XKR4: variants seen among roughly 807,000 people sequenced by gnomAD.
XKR4 encodes the protein XK related 4.
Under a neutral mutation model 53.9 loss-of-function variants are expected in XKR4, and 12 were observed. The ratio of observed to expected loss-of-function variants is 0.22; its 90% CI spans 0.14 to 0.36. The LOEUF is 0.36. Ranked by LOEUF, XKR4 falls within the 10% of genes least tolerant of loss-of-function variation. XKR4 has a pLI of 1.00. For missense variants in XKR4, 799 were observed against 859.5 expected, an observed-to-expected ratio of 0.93 and a Z score of 0.88; for synonymous variants, 354 against 362.4, an observed-to-expected ratio of 0.98 and a Z score of 0.26.
rs1410803493 is a variant in XKR4, at chr8:55,466,085, C to A, written c.1007-57196C>A. Among the ~76,000 whole-genome samples the A allele has an allele frequency of 2.0e-5, 3 of 152,186 alleles. No homozygotes were observed. The East Asian group carries it at 5.8e-4, about 29-fold the overall frequency. On this transcript the variant is annotated intron_variant, in intron 2 of 2. Coordinates refer to ENST00000327381, the MANE Select transcript of XKR4 (RefSeq NM_052898.2). ...ATTGTGGAAGTCAGTGTGGCGATTC[C>A]TCAGGGATCTAGAACTAGAAATACC... is the stretch of plus-strand genomic sequence containing the variant.
Position 55,515,261 on chromosome 8 carries a change from C to T in XKR4, c.1007-8020C>T, listed in dbSNP as rs116950398. Among the ~76,000 whole-genome samples the T allele has an allele frequency of 7.9e-4, 120 of 152,276 alleles. 2 individuals carry two copies. In the East Asian group the frequency reaches 0.023, roughly 29 times the overall value. ...ATTAAAGCATTTAAATATTTTTAAT[C>T]AGAACTATTACAAGGTTTAAAACAG... On this transcript the variant is annotated intron_variant, in intron 2 of 2. Transcript: ENST00000327381.
At chr8:55,300,737 C>A (rs1819181087) in intron 1 of XKR4, among the ~76,000 whole-genome samples, 1 of 152,046 alleles carries the variant, frequency 6.6e-6, no homozygotes, top group African/African-American at 2.4e-5. Flanking sequence ...TAAGGTGCTT[C>A]CATCGTGGGG....
chr8:55,323,992 T>C lies in XKR4; in HGVS notation c.807-33686T>C, dbSNP rs553196716. Among the ~76,000 whole-genome samples, 16 of 152,362 alleles carry C rather than the reference T, an allele frequency of 1.1e-4. No individual in the cohort carries two copies. The South Asian group carries it at 3.3e-3, about 32-fold the overall frequency. ...TCCTCTGCTAGGAATGTCAACCTTT[T>C]CATTTACTTAAATGTGTTTGCCTTT... is the stretch of plus-strand genomic sequence containing the variant. On this transcript the variant is annotated intron_variant, in intron 1 of 2. Transcript: ENST00000327381.
intron 1 of XKR4, among the ~76,000 whole-genome samples, chr8:55,202,954 G>A (rs913840239): frequency 1.3e-5 from 2 of 152,202 alleles, no homozygotes; most frequent in Admixed American, 1.3e-4. Context: ...GCCACAGCTG[G>A]AGGGTTGGTT....
intron 1 of XKR4, among the ~76,000 whole-genome samples, chr8:55,138,390 C>G (rs188134342): frequency 6.6e-6 from 1 of 152,234 alleles, no homozygotes; most frequent in East Asian, 1.9e-4. Flanking sequence ...GAGAGAGGAG[C>G]TGGGCAAAGT....
In XKR4 at chr8:55,293,402, C is replaced by T. The variant is rs369705976; in HGVS notation, c.807-64276C>T. On this transcript the variant is annotated intron_variant, in intron 1 of 2. Transcript: ENST00000327381. Reference sequence around the variant, plus strand: ...CTTTTATAAGAAGAAGGAACAAGTGCGAAATTATAAATGTTCAGTTGTAAT... The same window carrying T: ...CTTTTATAAGAAGAAGGAACAAGTGTGAAATTATAAATGTTCAGTTGTAAT... 3.4e-4 allele frequency among the ~76,000 whole-genome samples: 52 copies of T among 152,030 alleles called. 1 individual carries two copies. In the East Asian group the frequency reaches 4.6e-3, roughly 14 times the overall value.
chr8:55,305,439 T>C (rs1199696135), intron 1 of XKR4, among the ~76,000 whole-genome samples: 1 of 152,140 alleles, frequency 6.6e-6, no homozygotes, highest in Non-Finnish European at 1.5e-5. Flanking sequence ...ACTTCTCATC[T>C]CTTACTCCCA....
intron 1 of XKR4, among the ~76,000 whole-genome samples, chr8:55,301,299 T>C (rs1169763139): frequency 6.6e-6 from 1 of 151,998 alleles, no homozygotes; most frequent in Non-Finnish European, 1.5e-5. Flanking sequence ...TCCAGCTTCA[T>C]CCATGTCCCT....
rs1194619632 is a variant in XKR4 at position 55,161,748 on chromosome 8, A to T, written c.806+58454A>T. 26 of 389,182 alleles carry T rather than the reference A, an allele frequency of 6.7e-5. No homozygotes were observed. In the East Asian group the frequency reaches 1.9e-3, roughly 29 times the overall value. The allele number at this position is 389,182 out of a possible 1,614,324, so 24.1% of individuals were successfully genotyped here. A position where few individuals can be genotyped will look rare whatever the true frequency, so the allele number is the denominator to read the frequency against. ...CCACCCATGGCCACTTACTGCACATACATTCATCACTAAATTCTTTTCTCC... is the reference window on the plus strand; with the variant it reads ...CCACCCATGGCCACTTACTGCACATTCATTCATCACTAAATTCTTTTCTCC... On this transcript the variant is annotated intron_variant, in intron 1 of 2. Transcript: ENST00000327381.
At position 55,538,399 on chromosome 8, in the gene XKR4, G is replaced by T. The variant is rs1807059248; in HGVS notation, c.*14172G>T. On this transcript the variant is annotated 3_prime_UTR_variant, in exon 3 of 3. Coordinates refer to ENST00000327381, the MANE Select transcript of XKR4 (RefSeq NM_052898.2). ...CATTAACAGAAGAGAGCTGTGTGCA[G>T]CACGGAGGAAGTGGAGTCTGAGGAA... 3 of 152,228 alleles carry T rather than the reference G, an allele frequency of 2.0e-5. No individual in the cohort carries two copies. Among genetic ancestry groups the T allele is most frequent in the Non-Finnish European group, 4.4e-5 (3 of 68,058 alleles). 9.4% of individuals were successfully genotyped at this position (152,228 alleles called of 1,614,324 possible). A position where few individuals can be genotyped will look rare whatever the true frequency, so the allele number is the denominator to read the frequency against.
intron 1 of XKR4, among the ~76,000 whole-genome samples, chr8:55,169,207 A>G (rs1304741016): frequency 6.6e-6 from 1 of 152,234 alleles, no homozygotes; most frequent in Non-Finnish European, 1.5e-5. Context: ...ATGTAGTTTG[A>G]AACATTAGAA....
At chr8:55,369,987 G>C (rs1804050332) in intron 2 of XKR4, among the ~76,000 whole-genome samples, 2 of 152,266 alleles carry the variant, frequency 1.3e-5, no homozygotes, top group Non-Finnish European at 1.5e-5. Context: ...TTGAGCCACA[G>C]AGTTCAAGGC....
intron 1 of XKR4, among the ~76,000 whole-genome samples, chr8:55,197,993 G>C (rs1203768325): frequency 6.6e-6 from 1 of 152,172 alleles, no homozygotes; most frequent in African/African-American, 2.4e-5. Flanking sequence ...CAGACTGAAG[G>C]CCTCTACACT....
rs74609206 is a variant in XKR4, at chr8:55,470,017, T to C, written c.1007-53264T>C. On this transcript the variant is annotated intron_variant, in intron 2 of 2. Coordinates refer to ENST00000327381, the MANE Select transcript of XKR4 (RefSeq NM_052898.2). The stretch of plus-strand genomic sequence containing the variant: ...ATAAGTGCAATAAGAAGTGCCATGA[T>C]AGAAATGGTGCATTGTAGACACAAA... Among the ~76,000 whole-genome samples, 704 of 152,212 alleles carry C rather than the reference T, an allele frequency of 4.6e-3. 13 individuals are homozygous for C. Among genetic ancestry groups the C allele is most frequent in the African/African-American group, 0.016 (654 of 41,488 alleles).
intron 1 of XKR4, among the ~76,000 whole-genome samples, chr8:55,308,818 G>A (rs547686608): frequency 3.4e-4 from 51 of 152,176 alleles, no homozygotes; most frequent in Non-Finnish European, 5.3e-4. Context: ...TCCCTGGAAC[G>A]TGTGAATATG....
At chr8:55,328,345 A>G (rs75733851) in intron 1 of XKR4, among the ~76,000 whole-genome samples, 3,945 of 152,300 alleles carry the variant, frequency 0.026, 173 homozygotes, top group African/African-American at 0.088. Flanking sequence ...GTCTTCAGGT[A>G]GTCCACCTTC....
chr8:55,147,062 G>A (rs1211347163), intron 1 of XKR4, among the ~76,000 whole-genome samples: 4 of 152,220 alleles, frequency 2.6e-5, no homozygotes, highest in Non-Finnish European at 4.4e-5. Context: ...CATATGATAT[G>A]ATAGGTCACA....
chr8:55,132,111 G>A (rs1816564154), intron 1 of XKR4, among the ~76,000 whole-genome samples: 1 of 152,176 alleles, frequency 6.6e-6, no homozygotes, highest in South Asian at 2.1e-4. Flanking sequence ...TTGGGAACAT[G>A]GCCTGACAAC....
chr8:55,113,073 A>G (rs1334461827), intron 1 of XKR4, among the ~76,000 whole-genome samples: 1 of 152,094 alleles, frequency 6.6e-6, no homozygotes, highest in Non-Finnish European at 1.5e-5. Context: ...ACCTCATCCT[A>G]AGGAAAGCAC....
Sources: gnomAD v4.1 joint callset for allele counts (sites outside exome capture counted in the v4.1 genomes callset) on GRCh38, gnomAD v4.1.1 for gene constraint, MANE v1.5 for transcripts, NCBI Gene and HGNC (gene_info 2026-07-23, HGNC 2026-07-21) for gene names.